Variants in SMAD3 observed in about 807,000 individuals in gnomAD.
SMAD3 encodes the protein MAD homolog 3.
SMAD3 carries 12 observed loss-of-function variants against 51.8 expected under a neutral mutation model. The ratio of observed to expected loss-of-function variants is 0.23; its 90% confidence interval spans 0.15 to 0.38. SMAD3 has a LOEUF of 0.38. Among genes scored for constraint, SMAD3 ranks in the 10% least tolerant of loss-of-function variants. SMAD3 has a pLI of 1.00. For synonymous variants in SMAD3, 238 were observed against 227.7 expected (o/e 1.05, Z -0.41); for missense variants, 294 against 565.6 (o/e 0.52, Z 4.87).
chr15:67,090,087 C>A (rs1442152906), intron 1 of SMAD3, among the ~76,000 whole-genome samples: 2 of 152,124 alleles, frequency 1.3e-5, no homozygotes, highest in African/African-American at 4.8e-5. Flanking sequence ...ACACCCAGGC[C>A]GAGTGGAACA....
chr15:67,145,340 G>T (rs28617264), intron 1 of SMAD3, among the ~76,000 whole-genome samples: 1 of 152,146 alleles, frequency 6.6e-6, no homozygotes, highest in South Asian at 2.1e-4. Context: ...ATCCACGAAG[G>T]GGGGAGTTTG....
At chr15:67,150,869 T>A in intron 1 of SMAD3, among the ~76,000 whole-genome samples, 1 of 125,812 alleles carries the variant, frequency 7.9e-6, no homozygotes, top group African/African-American at 2.9e-5. Context: ...TTTTTTTTTT[T>A]TTTTGAGATG....
At chr15:67,173,228 G>T (rs12593904) in intron 5 of SMAD3, among the ~76,000 whole-genome samples, 14,538 of 152,014 alleles carry the variant, frequency 0.096, 1,003 homozygotes, top group East Asian at 0.3. Context: ...CCAGAGCTGG[G>T]AGAGCACTAC....
intron 1 of SMAD3, among the ~76,000 whole-genome samples, chr15:67,083,803 T>C (rs1718346172): frequency 6.6e-6 from 1 of 152,220 alleles, no homozygotes; most frequent in African/African-American, 2.4e-5. Context: ...CTGATGTTCA[T>C]GATTACTGGA....
chr15:67,070,029 CTCT>C (rs1452421648), intron 1 of SMAD3, among the ~76,000 whole-genome samples: 1 of 151,412 alleles, frequency 6.6e-6, no homozygotes, highest in Non-Finnish European at 1.5e-5. Context: ...CTGTAGCCTC[CTCT>C]TATTATCTCC....
chr15:67,172,843 C>G (rs1402077452), intron 5 of SMAD3, among the ~76,000 whole-genome samples: 1 of 152,172 alleles, frequency 6.6e-6, no homozygotes, highest in Non-Finnish European at 1.5e-5. Flanking sequence ...CTTGGAGGAA[C>G]AAGGCTCAGA....
chr15:67,129,792 G>A (rs1281976648), intron 1 of SMAD3, among the ~76,000 whole-genome samples: 4 of 152,148 alleles, frequency 2.6e-5, no homozygotes, highest in African/African-American at 7.2e-5. Context: ...GATTGTTAAC[G>A]AGCTATATTA....
At chr15:67,123,516 G>A (rs533507156) in intron 1 of SMAD3, among the ~76,000 whole-genome samples, 1 of 152,234 alleles carries the variant, frequency 6.6e-6, no homozygotes, top group South Asian at 2.1e-4. Flanking sequence ...AAGGAAAAAA[G>A]AATTCTAACA....
intron 1 of SMAD3, among the ~76,000 whole-genome samples, chr15:67,139,728 T>C (rs79281321): frequency 0.018 from 2,729 of 152,166 alleles, 78 homozygotes; most frequent in East Asian, 0.065. Context: ...GCTGGGTAAG[T>C]AGAATTATTA....
Position 67,193,694 on chromosome 15 carries a change from A to ATTT in SMAD3, c.*3169_*3171dup. 1.4e-5 allele frequency: 3 copies of ATTT among 215,714 alleles called. No individual in the cohort carries two copies. The allele number at this position is 215,714 out of a possible 1,614,324, so 13.4% of individuals were successfully genotyped here. Reference sequence around the variant, plus strand: ...ATTGTCCTTATGTTGTCTGTGTTGTATTTTTTTTTTTTTATTGACCATGGT... The same window carrying ATTT: ...ATTGTCCTTATGTTGTCTGTGTTGTATTTTTTTTTTTTTTTTATTGACCATGGT... On this transcript the variant is annotated 3_prime_UTR_variant, in exon 9 of 9. Transcript: ENST00000327367.
chr15:67,082,056 C>G (rs138733772), intron 1 of SMAD3, among the ~76,000 whole-genome samples: 99 of 152,190 alleles, frequency 6.5e-4, no homozygotes, highest in African/African-American at 2.3e-3. Context: ...AGTGAGACTC[C>G]TGAACACTTA....
intron 6 of SMAD3, among the ~76,000 whole-genome samples, chr15:67,183,023 ATATATATATTTTTTT>A (rs1963121369): frequency 6.9e-5 from 5 of 72,972 alleles, no homozygotes; most frequent in Non-Finnish European, 1.2e-4. Flanking sequence ...ATATATATAT[ATATATATATTTTTTT>A]TTTTTTTTTT....
At chr15:67,118,409 G>A (rs1961183650) in intron 1 of SMAD3, among the ~76,000 whole-genome samples, 1 of 152,218 alleles carries the variant, frequency 6.6e-6, no homozygotes, top group Admixed American at 6.5e-5. Flanking sequence ...TGTTTTGTTT[G>A]ATTTCTGGTG....
chr15:67,164,792 G>A (rs1224549860), intron 1 of SMAD3, 103 bp from the exon 2 acceptor site: 1 of 1,192,010 alleles, frequency 8.4e-7, no homozygotes, highest in East Asian at 2.3e-5. Context: ...AGAAATGAGG[G>A]GAGAGAGAGC....
At chr15:67,166,617 A>G (rs1263221742) in intron 3 of SMAD3, 162 bp from the exon 4 acceptor site, 1 of 690,474 alleles carries the variant, frequency 1.4e-6, no homozygotes. Context: ...GACAGGGGCG[A>G]GGACAACAGA....
chr15:67,124,612 C>T (rs570826734), intron 1 of SMAD3, among the ~76,000 whole-genome samples: 11 of 152,366 alleles, frequency 7.2e-5, no homozygotes, highest in African/African-American at 2.6e-4. Context: ...CTCATTACCA[C>T]GTCACACAGC....
At chr15:67,181,725 G>A (rs1963065770) in intron 6 of SMAD3, among the ~76,000 whole-genome samples, 1 of 151,834 alleles carries the variant, frequency 6.6e-6, no homozygotes, top group African/African-American at 2.4e-5. Flanking sequence ...AAGCCACAGA[G>A]GAAAATAGTT....
At chr15:67,129,659 A>G (rs1961475080) in intron 1 of SMAD3, among the ~76,000 whole-genome samples, 1 of 152,188 alleles carries the variant, frequency 6.6e-6, no homozygotes, top group Non-Finnish European at 1.5e-5. Flanking sequence ...TTACTTCTAA[A>G]ATCTAAAATC....
Position 67,194,938 on chromosome 15 carries a change from G to A in SMAD3, c.*4402G>A. 4.3e-6 allele frequency: 1 copy of A among 233,730 alleles called. No homozygotes were observed. Among genetic ancestry groups the A allele is most frequent in the Non-Finnish European group, 8.5e-6 (1 of 117,962 alleles). 14.5% of individuals were successfully genotyped at this position (233,730 alleles called of 1,614,324 possible). On this transcript the variant is annotated 3_prime_UTR_variant, in exon 9 of 9. Coordinates refer to ENST00000327367, the MANE Select transcript of SMAD3 (RefSeq NM_005902.4). ...TGGACTCTGATGTGTGTGGAGGGAT[G>A]GGGAATAGAACATTGACTGTGTTGA... is the stretch of plus-strand genomic sequence containing the variant.
Sources: gnomAD v4.1 joint callset for allele counts (sites outside exome capture counted in the v4.1 genomes callset) on GRCh38, gnomAD v4.1.1 for gene constraint, MANE v1.5 for transcripts, NCBI Gene and HGNC (gene_info 2026-07-23, HGNC 2026-07-21) for gene names.